The following PTPRM variants were observed in gnomAD, a reference collection of about 807,000 sequenced individuals.
PTPRM encodes receptor-type tyrosine-protein phosphatase mu.
In PTPRM, 47 loss-of-function variants were observed where a neutral mutation model predicts 186.7. That is an observed-to-expected ratio of 0.25 (90% CI 0.20 to 0.32). The LOEUF (loss-of-function observed/expected upper bound fraction) is 0.32. Among genes scored for constraint, PTPRM ranks in the 10% least tolerant of loss-of-function variants. The probability of loss-of-function intolerance (pLI) is 1.00; values close to 1 mark genes in which losing one functional copy is unlikely to be tolerated. For synonymous variants in PTPRM, 668 were observed against 674.9 expected, an observed-to-expected ratio of 0.99 and a Z score of 0.16; for missense variants, 1,494 against 1,865.0, an observed-to-expected ratio of 0.80 and a Z score of 3.66.
intron 24 of PTPRM, 76 bp from the exon 25 acceptor site, chr18:8,375,970 C>T (rs892243985): frequency 6.8e-7 from 1 of 1,474,966 alleles, no homozygotes. Flanking sequence ...TGTTTCCACT[C>T]CCCCAGCTAT....
intron 2 of PTPRM, among the ~76,000 whole-genome samples, chr18:7,794,372 C>T (rs984495515): frequency 7.2e-5 from 11 of 152,142 alleles, no homozygotes; most frequent in Admixed American, 7.2e-4. Context: ...TGTATGCTCC[C>T]CTAGAGATTG....
chr18:7,817,300 TGA>T (rs1261561694), intron 2 of PTPRM, among the ~76,000 whole-genome samples: 4 of 152,188 alleles, frequency 2.6e-5, no homozygotes, highest in Non-Finnish European at 1.5e-5. Flanking sequence ...TATTTACCTA[TGA>T]GTGATAATGA....
intron 1 of PTPRM, among the ~76,000 whole-genome samples, chr18:7,702,557 T>G (rs1232310272): frequency 1.3e-5 from 2 of 152,194 alleles, no homozygotes; most frequent in Non-Finnish European, 2.9e-5. Context: ...TTCTTGTAAA[T>G]TTGTTTAAGT....
intron 2 of PTPRM, among the ~76,000 whole-genome samples, chr18:7,822,359 T>A (rs1301426558): frequency 6.6e-6 from 1 of 152,254 alleles, no homozygotes; most frequent in Non-Finnish European, 1.5e-5. Context: ...TTTCCATTTA[T>A]AGTGACTGAG....
chr18:7,763,934 G>A (rs886539787), intron 1 of PTPRM, among the ~76,000 whole-genome samples: 6 of 151,912 alleles, frequency 3.9e-5, no homozygotes, highest in African/African-American at 1.5e-4. Flanking sequence ...GTGCTACTGG[G>A]CATAAAATGC....
intron 1 of PTPRM, among the ~76,000 whole-genome samples, chr18:7,586,498 G>T (rs1227948866): frequency 3.3e-5 from 5 of 152,144 alleles, no homozygotes; most frequent in Admixed American, 3.3e-4. Context: ...CAGCCAAACT[G>T]TTAGGGTTGG....
chr18:7,961,441 C>T (rs1407606173), intron 7 of PTPRM, among the ~76,000 whole-genome samples: 3 of 152,338 alleles, frequency 2.0e-5, no homozygotes, highest in East Asian at 1.9e-4. Flanking sequence ...CATGTCATCA[C>T]GTGTGCGATT....
intron 1 of PTPRM, chr18:7,749,230 GTTC>G (rs1305793838): frequency 2.6e-5 from 4 of 151,968 alleles, no homozygotes; most frequent in East Asian, 3.9e-4. Flanking sequence ...GGACAGAGTT[GTTC>G]TTCTCACCCA....
chr18:8,225,685 C>T (rs1009243799), intron 14 of PTPRM, among the ~76,000 whole-genome samples: 56 of 152,106 alleles, frequency 3.7e-4, no homozygotes, highest in African/African-American at 1.1e-3. Flanking sequence ...TGTCTGTGTT[C>T]ACTAAGCAGA....
chr18:7,630,417 G>A (rs151253569), intron 1 of PTPRM, among the ~76,000 whole-genome samples: 5 of 152,236 alleles, frequency 3.3e-5, no homozygotes, highest in African/African-American at 7.2e-5. Flanking sequence ...AGCAAGAGCC[G>A]TTTAGGTGCC....
At chr18:7,842,841 T>G (rs1440998) in intron 2 of PTPRM, among the ~76,000 whole-genome samples, 50,302 of 134,300 alleles carry the variant, frequency 0.37, 9,645 homozygotes, top group Non-Finnish European at 0.4. Context: ...TATATATATA[T>G]AGAGAGAGAG....
intron 14 of PTPRM, among the ~76,000 whole-genome samples, chr18:8,219,349 C>T (rs1397254614): frequency 6.6e-6 from 1 of 152,050 alleles, no homozygotes; most frequent in East Asian, 1.9e-4. Context: ...CGCCTGTAGT[C>T]CCAGCTACTC....
chr18:8,185,166 A>T (rs373050817), intron 14 of PTPRM, among the ~76,000 whole-genome samples: 47 of 41,946 alleles, frequency 1.1e-3, no homozygotes, highest in East Asian at 1.9e-3. Context: ...TAAAAAAAAT[A>T]AAAAAAAAAG....
At position 8,396,193 on chromosome 18, in the gene PTPRM, C is replaced by G. The variant is rs574455223; in HGVS notation, c.4344+1582C>G. On this transcript the variant is annotated intron_variant, in intron 32 of 32. Transcript: ENST00000580170. The stretch of plus-strand genomic sequence containing the variant: ...GTGTTCCAGGATGGAGGCAATTGAG[C>G]AAAGAGTGGCCATGCTGTCGGCAGA... Among the ~76,000 whole-genome samples, 4 of 152,332 alleles carry G rather than the reference C, an allele frequency of 2.6e-5. No homozygotes were observed. In the South Asian group the frequency reaches 6.2e-4, roughly 24 times the overall value.
rs1484578319 is a variant in PTPRM, at chr18:8,387,148, A to G, written c.4121A>G (p.Lys1374Arg). ...WPMYRDTPVS[K>R]RSFLKLIRQV... is the part of the protein sequence containing the mutation. ...ATGTACAGGGACACACCAGTGTCTA[A>G]GCGCTCCTTCTTGAAGCTCATTCGC... The change falls in exon 31 of 33, where the codon AAG becomes AGG. Residue 1374 changes from lysine to arginine, a missense_variant. By Grantham distance (26) the Lys-to-Arg change is conservative (BLOSUM62 2). Transcript: ENST00000580170. 2 of 1,612,592 alleles carry G rather than the reference A, an allele frequency of 1.2e-6. No homozygotes were observed. The highest frequency in any genetic ancestry group is 1.7e-6 in the Non-Finnish European group (2 of 1,178,684).
At chr18:8,394,674 T>G in intron 32 of PTPRM, 63 bp downstream of exon 32, 1 of 1,454,814 alleles carries the variant, frequency 6.9e-7, no homozygotes, top group South Asian at 1.4e-5. Context: ...CCACTCCAGC[T>G]CCCAGATTTG....
chr18:8,331,079 T>C (rs1287111872), intron 22 of PTPRM, among the ~76,000 whole-genome samples: 1 of 117,684 alleles, frequency 8.5e-6, no homozygotes, highest in Non-Finnish European at 1.8e-5. Flanking sequence ...CGACCTGCTT[T>C]CTGTGTCAAG....
intron 2 of PTPRM, among the ~76,000 whole-genome samples, chr18:7,777,876 C>T (rs1284843925): frequency 2.0e-5 from 3 of 152,030 alleles, no homozygotes; most frequent in South Asian, 2.1e-4. Flanking sequence ...GGGCTGGGTG[C>T]GGTGGCTCAT....
chr18:7,679,205 A>C (rs1458388666), intron 1 of PTPRM, among the ~76,000 whole-genome samples: 2 of 152,260 alleles, frequency 1.3e-5, no homozygotes, highest in African/African-American at 4.8e-5. Context: ...GTCATTCATT[A>C]AGTAAAACTT....
Sources: gnomAD v4.1 joint callset for allele counts (sites outside exome capture counted in the v4.1 genomes callset) on GRCh38, gnomAD v4.1.1 for gene constraint, MANE v1.5 for transcripts, NCBI Gene and HGNC (gene_info 2026-07-23, HGNC 2026-07-21) for gene names.